Variants in RAPGEF2 observed in about 807,000 individuals in gnomAD.
The protein encoded by RAPGEF2 is Rap guanine nucleotide exchange factor 2, also known as PDZ domain containing guanine nucleotide exchange factor (GEF) 1.
RAPGEF2 carries 54 observed loss-of-function variants against 186.7 expected under a neutral mutation model. The observed-to-expected ratio is 0.29, with a 90% CI of 0.23 to 0.36. RAPGEF2 has a LOEUF of 0.36. Ranked by LOEUF, RAPGEF2 falls within the 10% of genes least tolerant of loss-of-function variation. The pLI is 1.00. For synonymous variants in RAPGEF2, 712 were observed against 705.9 expected (o/e 1.01, Z -0.14); for missense variants, 1,532 against 2,045.0 (o/e 0.75, Z 4.84).
chr4:159,323,035 T>C (rs1027392164), intron 10 of RAPGEF2, among the ~76,000 whole-genome samples: 3 of 152,204 alleles, frequency 2.0e-5, no homozygotes, highest in African/African-American at 7.2e-5. Context: ...TTACAGAATT[T>C]CATATGAAAA....
rs1427318584 is a variant in RAPGEF2, at chr4:159,332,540, C to T, written c.1978C>T (p.Arg660Cys). The change falls in exon 17 of 30, where the codon CGC (arginine) becomes TGC (cysteine). Residue 660 changes from arginine (R) to cysteine (C), a missense_variant. By Grantham distance (180) the Arg-to-Cys change is radical. Transcript: ENST00000691494. ...PKIGDIKKASRYSIPDLAVDV... is the reference protein window; with the variant it reads ...PKIGDIKKASCYSIPDLAVDV... ...AATTGGTGACATTAAAAAGGCCAGT[C>T]GCTACTCCATTCCAGATCTTGCTGT... The T allele has an allele frequency of 1.9e-6, 3 of 1,614,092 alleles. No individual in the cohort carries two copies. Among genetic ancestry groups the T allele is most frequent in the African/African-American group, 1.3e-5 (1 of 75,038 alleles).
At chr4:159,286,990 TA>T (rs1760589594) in intron 7 of RAPGEF2, among the ~76,000 whole-genome samples, 1 of 152,126 alleles carries the variant, frequency 6.6e-6, no homozygotes, top group Non-Finnish European at 1.5e-5. Flanking sequence ...GTGTTTAATA[TA>T]AAAAAGCCAT....
chr4:159,338,575 A>T (rs1767801546), intron 18 of RAPGEF2, 107 bp downstream of exon 18: 4 of 1,151,246 alleles, frequency 3.5e-6, no homozygotes, highest in South Asian at 3.5e-5. Flanking sequence ...ATTATATCAG[A>T]TGCTGAGTAA....
At chr4:159,273,645 T>C (rs1001318374) in intron 7 of RAPGEF2, among the ~76,000 whole-genome samples, 1 of 132,208 alleles carries the variant, frequency 7.6e-6, no homozygotes, top group African/African-American at 3.0e-5. Flanking sequence ...TTTCTTTCTT[T>C]CTTTCTTTCT....
chr4:159,249,620 G>A (rs1324002317), intron 7 of RAPGEF2, among the ~76,000 whole-genome samples: 4 of 151,684 alleles, frequency 2.6e-5, no homozygotes, highest in East Asian at 1.9e-4. Flanking sequence ...AATGCTATAC[G>A]TATTTATCTA....
chr4:159,328,201 A>G (rs535922693), intron 11 of RAPGEF2: 24 of 152,272 alleles, frequency 1.6e-4, no homozygotes, highest in African/African-American at 5.5e-4. Context: ...GCTGCTGTGT[A>G]CAAAGAAATA....
intron 1 of RAPGEF2, among the ~76,000 whole-genome samples, chr4:159,159,052 A>G (rs1432051026): frequency 2.0e-5 from 3 of 152,198 alleles, no homozygotes; most frequent in East Asian, 1.9e-4. Context: ...AAGCTTAGAG[A>G]TATTTAAGTA....
At chr4:159,120,075 A>G (rs1739492385) in intron 1 of RAPGEF2, among the ~76,000 whole-genome samples, 2 of 152,132 alleles carry the variant, frequency 1.3e-5, no homozygotes, top group South Asian at 4.1e-4. Context: ...ACTGGAGTGC[A>G]GTGGTGCAGT....
At chr4:159,190,981 C>T (rs1448956115) in intron 2 of RAPGEF2, among the ~76,000 whole-genome samples, 1 of 152,198 alleles carries the variant, frequency 6.6e-6, no homozygotes, top group East Asian at 1.9e-4. Flanking sequence ...GTGGCTGTTA[C>T]ATATTCAAGT....
intron 3 of RAPGEF2, among the ~76,000 whole-genome samples, chr4:159,197,097 C>T (rs1256795837): frequency 1.3e-5 from 2 of 152,208 alleles, no homozygotes; most frequent in African/African-American, 2.4e-5. Context: ...ATGAATTCCT[C>T]ACCAGAGGGA....
chr4:159,191,875 A>G (rs1398013349), intron 2 of RAPGEF2, among the ~76,000 whole-genome samples: 1 of 152,172 alleles, frequency 6.6e-6, no homozygotes, highest in Non-Finnish European at 1.5e-5. Flanking sequence ...ACGATAGGTG[A>G]TATCTTGAGT....
intron 1 of RAPGEF2, among the ~76,000 whole-genome samples, chr4:159,118,073 CT>C (rs1739247849): frequency 6.6e-6 from 1 of 152,088 alleles, no homozygotes; most frequent in African/African-American, 2.4e-5. Context: ...TACCCAACCC[CT>C]GGGCCACAGA....
chr4:159,264,444 G>A (rs981969223), intron 7 of RAPGEF2, among the ~76,000 whole-genome samples: 1 of 152,182 alleles, frequency 6.6e-6, no homozygotes, highest in Non-Finnish European at 1.5e-5. Context: ...GATACCATCA[G>A]CATGGGGGTA....
intron 7 of RAPGEF2, chr4:159,282,425 G>T: frequency 5.3e-6 from 1 of 188,432 alleles, no homozygotes. Flanking sequence ...TGTGCAAGTC[G>T]AGCTGCTTAG....
intron 1 of RAPGEF2, among the ~76,000 whole-genome samples, chr4:159,171,438 G>T (rs1017369176): frequency 6.6e-6 from 1 of 152,158 alleles, no homozygotes; most frequent in Non-Finnish European, 1.5e-5. Context: ...CTTGTTCAGG[G>T]ATGCCAAGCT....
intron 6 of RAPGEF2, among the ~76,000 whole-genome samples, chr4:159,242,920 T>A (rs1047653605): frequency 6.6e-6 from 1 of 151,974 alleles, no homozygotes; most frequent in Admixed American, 6.6e-5. Flanking sequence ...TTATTTAAAA[T>A]GTAGCGTTAA....
intron 19 of RAPGEF2, among the ~76,000 whole-genome samples, chr4:159,339,945 T>G (rs1404045927): frequency 1.3e-5 from 2 of 152,204 alleles, no homozygotes; most frequent in Non-Finnish European, 2.9e-5. Flanking sequence ...CAGAAGTGCT[T>G]ATATCACACG....
At chr4:159,355,689 C>T (rs147278214) in intron 28 of RAPGEF2, among the ~76,000 whole-genome samples, 164 bp from the exon 29 acceptor site, 2 of 152,324 alleles carry the variant, frequency 1.3e-5, no homozygotes, top group African/African-American at 4.8e-5. Context: ...GTTTAGTTAA[C>T]ATGCATTCCC....
At chr4:159,198,328 TTCTTTCTTTTTCTTTC>T (rs1749012998) in intron 3 of RAPGEF2, among the ~76,000 whole-genome samples, 1 of 76,672 alleles carries the variant, frequency 1.3e-5, no homozygotes, top group African/African-American at 1.0e-4. Context: ...CTTTCTTTCT[TTCTTTCTTTTTCTTTC>T]TCTCTCTTTC....
Sources: allele counts gnomAD v4.1 joint callset (sites outside exome capture counted in the v4.1 genomes callset), GRCh38; gene constraint gnomAD v4.1.1; transcripts MANE v1.5; gene names NCBI Gene and HGNC (gene_info 2026-07-23, HGNC 2026-07-21).